MTHFS: variants seen among roughly 807,000 people sequenced by gnomAD.
MTHFS encodes 5-formyltetrahydrofolate cyclo-ligase.
A neutral mutation model predicts 12.7 loss-of-function variants in MTHFS; 7 were observed. The observed-to-expected ratio is 0.55, with a 90% CI of 0.31 to 1.03. The LOEUF (loss-of-function observed/expected upper bound fraction) is 1.03. Ranked by LOEUF, MTHFS falls within the 50% of genes least tolerant of loss-of-function variation. The pLI is 0.05. For missense variants in MTHFS, 252 were observed against 258.1 expected, an observed-to-expected ratio of 0.98 and a Z score of 0.16; for synonymous variants, 100 against 97.1, an observed-to-expected ratio of 1.03 and a Z score of -0.18.
chr15:79,894,336 ATG>A (rs1377486881), intron 1 of MTHFS, among the ~76,000 whole-genome samples: 4 of 152,170 alleles, frequency 2.6e-5, no homozygotes, highest in African/African-American at 7.2e-5. Flanking sequence ...AGCCGAGATC[ATG>A]CCACCGCACT....
chr15:79,892,748 C>T (rs1271079734), intron 1 of MTHFS, among the ~76,000 whole-genome samples: 2 of 151,860 alleles, frequency 1.3e-5, no homozygotes, highest in African/African-American at 4.8e-5. Context: ...GTCAAGAGGT[C>T]GAGACCATCC....
intron 2 of MTHFS, among the ~76,000 whole-genome samples, chr15:79,885,455 T>C (rs1359801598): frequency 6.6e-6 from 1 of 152,228 alleles, no homozygotes; most frequent in Non-Finnish European, 1.5e-5. Flanking sequence ...GACTCTCCAG[T>C]ATCCATTCCC....
chr15:79,859,872 C>A, intron 2 of MTHFS, among the ~76,000 whole-genome samples: 1 of 141,648 alleles, frequency 7.1e-6, no homozygotes, highest in Admixed American at 7.1e-5. Context: ...CATAGGGATT[C>A]AAATAAAAAT....
intron 1 of MTHFS, among the ~76,000 whole-genome samples, chr15:79,895,449 C>A (rs1479296314): frequency 6.6e-6 from 1 of 152,226 alleles, no homozygotes; most frequent in Non-Finnish European, 1.5e-5. Context: ...CTCTTCTAGG[C>A]TCTCTGCTCC....
intron 2 of MTHFS, among the ~76,000 whole-genome samples, chr15:79,848,968 T>C (rs565900916): frequency 2.4e-4 from 37 of 152,258 alleles, no homozygotes; most frequent in African/African-American, 8.4e-4. Context: ...CCGAAGTACA[T>C]AAATTTGGCT....
chr15:79,865,367 C>T (rs1377879397), intron 2 of MTHFS, among the ~76,000 whole-genome samples: 1 of 152,102 alleles, frequency 6.6e-6, no homozygotes, highest in Non-Finnish European at 1.5e-5. Context: ...GGAAAGAATG[C>T]CATATCTAAG....
chr15:79,889,478 G>A (rs2034436604), intron 1 of MTHFS, 124 bp from the exon 2 acceptor site: 3 of 1,377,688 alleles, frequency 2.2e-6, no homozygotes, highest in African/African-American at 1.5e-5. Flanking sequence ...AAAAAAAGGG[G>A]GGGGGACCAG....
chr15:79,859,067 C>T (rs1442878430), intron 2 of MTHFS, among the ~76,000 whole-genome samples: 1 of 152,158 alleles, frequency 6.6e-6, no homozygotes, highest in Non-Finnish European at 1.5e-5. Context: ...TACAAAGGAA[C>T]ACAGCAAAGT....
At chr15:79,886,191 A>T (rs2034379481) in intron 2 of MTHFS, among the ~76,000 whole-genome samples, 1 of 152,254 alleles carries the variant, frequency 6.6e-6, no homozygotes, top group Admixed American at 6.5e-5. Context: ...CAAACAAGAA[A>T]GATAAACAGA....
intron 2 of MTHFS, among the ~76,000 whole-genome samples, chr15:79,869,960 G>A (rs371598954): frequency 3.2e-4 from 49 of 152,148 alleles, no homozygotes; most frequent in Middle Eastern, 3.4e-3. Context: ...AAAAACAGAG[G>A]AAAGAAGGGA....
intron 2 of MTHFS, among the ~76,000 whole-genome samples, chr15:79,863,094 A>C (rs912726976): frequency 6.6e-5 from 10 of 152,226 alleles, no homozygotes; most frequent in African/African-American, 1.9e-4. Flanking sequence ...TAAGAGCATG[A>C]CATGCAGATG....
chr15:79,843,714 T>C lies in MTHFS; in HGVS notation c.*1496A>G, dbSNP rs2033559618. 6.6e-6 allele frequency: 1 copy of C among 152,238 alleles called. No individual in the cohort carries two copies. Among genetic ancestry groups the C allele is most frequent in the Non-Finnish European group, 1.5e-5 (1 of 68,036 alleles). 9.4% of individuals were successfully genotyped at this position (152,238 alleles called of 1,614,324 possible). On this transcript the variant is annotated 3_prime_UTR_variant, in exon 3 of 3. Coordinates refer to ENST00000258874, the MANE Select transcript of MTHFS (RefSeq NM_006441.4). ...TATATGTCTAGTTGTGTACTAAGCA[T>C]AAGAAGTATAAAGATCACTTCTTTT...
intron 2 of MTHFS, among the ~76,000 whole-genome samples, chr15:79,872,087 G>C (rs1048486070): frequency 8.8e-6 from 1 of 113,758 alleles, no homozygotes; most frequent in South Asian, 3.0e-4. Flanking sequence ...CCTGGCGACA[G>C]AGCAAGACTC....
intron 2 of MTHFS, among the ~76,000 whole-genome samples, chr15:79,849,751 T>A (rs551110687): frequency 2.6e-5 from 4 of 152,380 alleles, no homozygotes; most frequent in Non-Finnish European, 5.9e-5. Context: ...ACATTCTGTG[T>A]TAGTGGGCAC....
intron 2 of MTHFS, among the ~76,000 whole-genome samples, chr15:79,884,659 T>A (rs2034352231): frequency 6.6e-6 from 1 of 152,130 alleles, no homozygotes; most frequent in African/African-American, 2.4e-5. Flanking sequence ...GAGGCAAGGA[T>A]AATTCCATGT....
At chr15:79,849,624 T>C (rs963122165) in intron 2 of MTHFS, among the ~76,000 whole-genome samples, 4 of 152,250 alleles carry the variant, frequency 2.6e-5, no homozygotes, top group African/African-American at 7.2e-5. Flanking sequence ...CAGTTCTGCA[T>C]ATGCCTCTGG....
chr15:79,860,219 C>A (rs1275668860), intron 2 of MTHFS, among the ~76,000 whole-genome samples: 4 of 152,106 alleles, frequency 2.6e-5, no homozygotes, highest in Admixed American at 6.6e-5. Context: ...GAAACCCTGC[C>A]TCTACCAAAA....
Position 79,854,527 on chromosome 15 carries a change from G to A in MTHFS, c.380-9085C>T, listed in dbSNP as rs149520812. The stretch of plus-strand genomic sequence containing the variant: ...GAAAAGATAGACAGTGGATCTAGAG[G>A]TGGCCAACCAAAATCACCTAGCAAA... On this transcript the variant is annotated intron_variant, in intron 2 of 2. Coordinates refer to ENST00000258874, the MANE Select transcript of MTHFS (RefSeq NM_006441.4). Among the ~76,000 whole-genome samples, 807 of 152,284 alleles carry A rather than the reference G, an allele frequency of 5.3e-3. 5 individuals carry two copies. Among genetic ancestry groups the A allele is most frequent in the African/African-American group, 0.018 (733 of 41,552 alleles).
intron 2 of MTHFS, 107 bp downstream of exon 2, chr15:79,888,986 T>A: frequency 2.0e-6 from 3 of 1,475,112 alleles, no homozygotes; most frequent in Non-Finnish European, 2.7e-6. Flanking sequence ...AAATACAAAT[T>A]AATCCCTTAC....
Sources: allele counts gnomAD v4.1 joint callset (sites outside exome capture counted in the v4.1 genomes callset), GRCh38; gene constraint gnomAD v4.1.1; transcripts MANE v1.5; gene names NCBI Gene and HGNC (gene_info 2026-07-23, HGNC 2026-07-21).